Variants in OBSL1 observed in about 807,000 individuals in gnomAD.
OBSL1 encodes the protein obscurin like cytoskeletal adaptor 1, also known as obscurin-like protein 1.
OBSL1 carries 160 observed loss-of-function variants against 172.0 expected under a neutral mutation model. The observed-to-expected ratio is 0.93, with a 90% CI of 0.82 to 1.06. The LOEUF (loss-of-function observed/expected upper bound fraction) is 1.06. Ranked by LOEUF, OBSL1 falls within the 50% of genes least tolerant of loss-of-function variation. OBSL1 has a pLI of 0.00. For synonymous variants in OBSL1, 1,200 were observed against 1,196.3 expected (o/e 1.00, Z -0.06); for missense variants, 2,681 against 2,715.4 (o/e 0.99, Z 0.28).
chr2:219,548,430 G>C (rs1418017776), downstream of OBSL1, among the ~76,000 whole-genome samples: 2 of 152,198 alleles, frequency 1.3e-5, no homozygotes, highest in African/African-American at 4.8e-5. Flanking sequence ...ACATTGTGCA[G>C]GATAATGTGA....
At position 219,567,775 on chromosome 2, in the gene OBSL1, C is replaced by T. The variant is rs1479138860; in HGVS notation, c.1477G>A (p.Gly493Ser). 3.1e-6 allele frequency: 5 copies of T among 1,613,936 alleles called. No homozygotes were observed. Among genetic ancestry groups the T allele is most frequent in the Admixed American group, 3.3e-5 (2 of 60,024 alleles). Residue 493 changes from glycine to serine, a missense_variant, in exon 3 of 21, where the codon GGC becomes AGC. This residue lies in a region of OBSL1 where 706 missense variants were observed against 695.8 expected (regional missense o/e 1.01). Coordinates refer to ENST00000404537, the MANE Select transcript of OBSL1 (RefSeq NM_015311.3). Reference protein sequence around the residue: ...VLPGVTREDAGEVTFSLGNSR... With the variant: ...VLPGVTREDASEVTFSLGNSR... ...TTGCCCAGGCTAAAGGTGACCTCGCCAGCATCCTCTCGGGTGACCCCTGGA... is the reference window on the plus strand; with the variant it reads ...TTGCCCAGGCTAAAGGTGACCTCGCTAGCATCCTCTCGGGTGACCCCTGGA...
At chr2:219,549,571 A>AT, downstream of OBSL1, 15 of 1,326,486 alleles carry the variant, frequency 1.1e-5, no homozygotes, top group South Asian at 2.2e-4. Context: ...TTTAAGTGGG[A>AT]TATGGTATGT....
rs1696162949 is a variant in OBSL1 at position 219,558,038 on chromosome 2, A to G, written c.3575T>C (p.Val1192Ala). Reference sequence around the variant, plus strand: ...AGCCCGGGACAGTTCACAGCTCAGCACCACTGGCTCCCCAGGGGCCACACA... The same window carrying G: ...AGCCCGGGACAGTTCACAGCTCAGCGCCACTGGCTCCCCAGGGGCCACACA... ...PLCVAPGEPV[V>A]LSCELSRAGA... Residue 1192 changes from valine to alanine, a missense_variant, in exon 11 of 21, where the codon GTG becomes GCG. Val to Ala is a moderately conservative substitution (Grantham distance 64). Transcript: ENST00000404537. 1 of 1,613,484 alleles carries G rather than the reference A, an allele frequency of 6.2e-7. No individual in the cohort carries two copies. Among genetic ancestry groups the G allele is most frequent in the Non-Finnish European group, 8.5e-7 (1 of 1,179,814 alleles).
At chr2:219,562,700 G>T (rs920921982) in intron 7 of OBSL1, 26 bp from the exon 8 acceptor site, 2 of 1,518,802 alleles carry the variant, frequency 1.3e-6, no homozygotes, top group Non-Finnish European at 1.8e-6. Flanking sequence ...AGCCACTGCC[G>T]GGCATGAGGG....
chr2:219,558,022 C>G lies in OBSL1; in HGVS notation c.3591G>C (p.Leu1197=), dbSNP rs748453233. 7.4e-6 allele frequency: 12 copies of G among 1,613,124 alleles called. No individual in the cohort carries two copies. Among genetic ancestry groups the G allele is most frequent in the Middle Eastern group, 3.3e-4 (2 of 6,084 alleles). The change falls in exon 11 of 21, where the codon CTG becomes CTC. Residue 1197 remains leucine (L), a synonymous_variant. Coordinates refer to ENST00000404537, the MANE Select transcript of OBSL1 (RefSeq NM_015311.3). The part of the protein sequence containing the change: ...PGEPVVLSCE[L]SRAGAPVVWS... ...AGACCACGGGGGCGCCAGCCCGGGA[C>G]AGTTCACAGCTCAGCACCACTGGCT...
intron 6 of OBSL1, 58 bp downstream of exon 6, chr2:219,565,184 T>C: frequency 2.0e-6 from 3 of 1,525,524 alleles, no homozygotes; most frequent in Non-Finnish European, 2.7e-6. Flanking sequence ...AGGGCATGGC[T>C]TATGCGGCCC....
At chr2:219,547,494 G>C (rs1187132206), downstream of OBSL1, 2 of 1,414,978 alleles carry the variant, frequency 1.4e-6, no homozygotes, top group Non-Finnish European at 1.9e-6. Flanking sequence ...ACTAGCCCCT[G>C]TTCCCCTCCA....
rs767003559 is a variant in OBSL1 at position 219,552,175 on chromosome 2, C to T, written c.5350G>A (p.Asp1784Asn). 3 of 1,611,096 alleles carry T rather than the reference C, an allele frequency of 1.9e-6. No individual in the cohort carries two copies. Among genetic ancestry groups the T allele is most frequent in the Non-Finnish European group, 2.5e-6 (3 of 1,179,120 alleles). The change falls in exon 19 of 21, where the codon GAC (aspartate) becomes AAC (asparagine). Residue 1784 changes from aspartate (D) to asparagine (N), a missense_variant. Transcript: ENST00000404537. ...ILVLSELRAEDAGEVRFQAGP... is the reference protein window; with the variant it reads ...ILVLSELRAENAGEVRFQAGP... Reference sequence around the variant, plus strand: ...GCCTGGAAGCGGACTTCACCGGCGTCCTCGGCGCGCAGCTCGCTAAGCACC... The same window carrying T: ...GCCTGGAAGCGGACTTCACCGGCGTTCTCGGCGCGCAGCTCGCTAAGCACC...
Position 219,567,073 on chromosome 2 carries a change from C to T in OBSL1, c.1891G>A (p.Glu631Lys), listed in dbSNP as rs771754602. The T allele has an allele frequency of 1.7e-5, 28 of 1,613,172 alleles. No individual in the cohort carries two copies. Among genetic ancestry groups the T allele is most frequent in the Non-Finnish European group, 2.3e-5 (27 of 1,179,804 alleles). ...GLEDVQVYDGEDAVFSLDLST... is the reference protein window; with the variant it reads ...GLEDVQVYDGKDAVFSLDLST... ...AGATCGAGGGAGAAGACGGCATCTT[C>T]CCCGTCGTATACCTGCACATCCTCC... The change falls in exon 5 of 21, where the codon GAA (glutamate) becomes AAA (lysine). Residue 631 changes from glutamate to lysine, a missense_variant. Glu to Lys is a moderately conservative substitution (Grantham distance 56). Around this residue, in one of 5 missense-constraint regions of OBSL1, gnomAD observed 53 missense variants for 85.5 expected, o/e 0.62. Transcript: ENST00000404537.
chr2:219,552,942 C>G lies in OBSL1; in HGVS notation c.5072G>C (p.Gly1691Ala). 4 of 1,535,604 alleles carry G rather than the reference C, an allele frequency of 2.6e-6. No individual in the cohort carries two copies. Among genetic ancestry groups the G allele is most frequent in the Non-Finnish European group, 3.5e-6 (4 of 1,144,222 alleles). ...GCTGTAGGTCCCGGCGTCCGAGGGG[C>G]CGCAGCGTCGCAGCTGGAGAAGGCG... ...TRRLLQLRRC[G>A]PSDAGTYSCA... The change falls in exon 17 of 21, where the codon GGC (glycine) becomes GCC (alanine). Residue 1691 changes from glycine to alanine, a missense_variant. This residue lies in a region of OBSL1 where 1,765 missense variants were observed against 1,748.3 expected (regional missense o/e 1.01). Transcript: ENST00000404537.
chr2:219,570,352 A>C lies in OBSL1; in HGVS notation c.881T>G (p.Met294Arg), dbSNP rs1390024586. 6.2e-7 allele frequency: 1 copy of C among 1,612,788 alleles called. No individual in the cohort carries two copies. The highest frequency in any genetic ancestry group is 8.5e-7 in the Non-Finnish European group (1 of 1,179,526). Reference sequence around the variant, plus strand: ...GAAGCCGCCGTCGCGGTCGCGGTACATGAGGCGGCGGCGGTCCGGGAGCAG... The same window carrying C: ...GAAGCCGCCGTCGCGGTCGCGGTACCTGAGGCGGCGGCGGTCCGGGAGCAG... ...RPLLPDRRRL[M>R]YRDRDGGFVL... is the part of the protein sequence containing the mutation. The change falls in exon 1 of 21, where the codon ATG (methionine) becomes AGG (arginine). Residue 294 changes from methionine to arginine, a missense_variant. This residue lies in a region of OBSL1 where 706 missense variants were observed against 695.8 expected (regional missense o/e 1.01). Coordinates refer to ENST00000404537, the MANE Select transcript of OBSL1 (RefSeq NM_015311.3).
rs1697343587 is a variant in OBSL1 at position 219,571,359 on chromosome 2, C to G, written c.-127G>C. 3 of 490,660 alleles carry G rather than the reference C, an allele frequency of 6.1e-6. No homozygotes were observed. The highest frequency in any genetic ancestry group is 9.3e-6 in the Non-Finnish European group (3 of 321,870). 30.4% of individuals were successfully genotyped at this position (490,660 alleles called of 1,614,324 possible). ...ACTGGGCGCGGGGACCCGCGGAGCTCTCCCGGGCCTCCCGCTCCCGGCTCG... is the reference window on the plus strand; with the variant it reads ...ACTGGGCGCGGGGACCCGCGGAGCTGTCCCGGGCCTCCCGCTCCCGGCTCG... On this transcript the variant is annotated 5_prime_UTR_variant, in exon 1 of 21. Transcript: ENST00000404537.
chr2:219,552,788 GTCAT>G, intron 17 of OBSL1, 76 bp downstream of exon 17: 1 of 1,518,486 alleles, frequency 6.6e-7, no homozygotes. Context: ...AGCACGCGCG[GTCAT>G]CAGGGTCCGG....
Position 219,559,134 on chromosome 2 carries a change from G to A in OBSL1, c.3226+91C>T, listed in dbSNP as rs1696263192. 18 of 1,254,488 alleles carry A rather than the reference G, an allele frequency of 1.4e-5. No individual in the cohort carries two copies. In the South Asian group the frequency reaches 2.5e-4, roughly 17 times the overall value. 77.7% of individuals were successfully genotyped at this position (1,254,488 alleles called of 1,614,324 possible). A position where few individuals can be genotyped will look rare whatever the true frequency, so the allele number is the denominator to read the frequency against. On this transcript the variant is annotated intron_variant, in intron 9 of 20. Coordinates refer to ENST00000404537, the MANE Select transcript of OBSL1 (RefSeq NM_015311.3). ...AGGAAGCTGGATAAGGGGAAGGCTGGGGATGGGGTGGGGGAGGTGGGGCTA... is the reference window on the plus strand; with the variant it reads ...AGGAAGCTGGATAAGGGGAAGGCTGAGGATGGGGTGGGGGAGGTGGGGCTA...
chr2:219,558,184 C>G lies in OBSL1; in HGVS notation c.3502G>C (p.Glu1168Gln). The change falls in exon 10 of 21, where the codon GAG becomes CAG. Residue 1168 changes from glutamate to glutamine, a missense_variant and splice_region_variant. Physicochemically the swap from Glu to Gln is conservative, Grantham distance 29 (BLOSUM62 2). Transcript: ENST00000404537. Reference protein sequence around the residue: ...EAITFNVILAEPPVQFLALET... With the variant: ...EAITFNVILAQPPVQFLALET... ...CCCTGGGTTGGCCAGGAGCACCCAC[C>G]AGCCAGGATGACATTGAAGGTGATG... 6.2e-7 allele frequency: 1 copy of G among 1,607,938 alleles called. No homozygotes were observed. The highest frequency in any genetic ancestry group is 8.5e-7 in the Non-Finnish European group (1 of 1,175,286).
downstream of OBSL1, chr2:219,549,463 G>A (rs1266302671): frequency 8.0e-6 from 11 of 1,377,622 alleles, no homozygotes; most frequent in Non-Finnish European, 1.1e-5. Context: ...AGGCCTGTTT[G>A]TCCATGAACT....
downstream of OBSL1, chr2:219,548,945 A>T: frequency 1.7e-6 from 1 of 593,782 alleles, no homozygotes; most frequent in Admixed American, 3.1e-5. Flanking sequence ...GCAACCTTCC[A>T]TAAAGACCTA....
intron 9 of OBSL1, 55 bp downstream of exon 9, chr2:219,559,170 T>C (rs1376038054): frequency 3.3e-6 from 5 of 1,517,890 alleles, no homozygotes; most frequent in African/African-American, 2.7e-5. Flanking sequence ...GGTGGGTGTC[T>C]GTCCCTTAGC....
rs774993148 is a variant in OBSL1 at position 219,559,355 on chromosome 2, G to A, written c.3096C>T (p.Ser1032=). Residue 1032 remains serine (S), a synonymous_variant, in exon 9 of 21, where the codon AGC becomes AGT. Coordinates refer to ENST00000404537, the MANE Select transcript of OBSL1 (RefSeq NM_015311.3). The part of the protein sequence containing the change: ...WYKDGLEVEE[S]EALVLERDGP... ...CATCCCTCTCCAGCACCAGGGCCTCGCTCTCCTCCACTTCCAGCCCATCCT... is the reference window on the plus strand; with the variant it reads ...CATCCCTCTCCAGCACCAGGGCCTCACTCTCCTCCACTTCCAGCCCATCCT... The A allele has an allele frequency of 2.8e-5, 45 of 1,613,728 alleles. No individual in the cohort carries two copies. The highest frequency in any genetic ancestry group is 1.6e-4 in the Middle Eastern group (1 of 6,084).
Sources: gnomAD v4.1 joint callset for allele counts (sites outside exome capture counted in the v4.1 genomes callset) on GRCh38, gnomAD v4.1.1 for gene constraint, gnomAD v4.1.1 regional missense constraint, MANE v1.5 for transcripts, NCBI Gene and HGNC (gene_info 2026-07-23, HGNC 2026-07-21) for gene names.